The following NEGR1 variants were observed in gnomAD, a reference collection of about 807,000 sequenced individuals.
NEGR1 encodes IgLON family member 4.
A neutral mutation model predicts 40.9 loss-of-function variants in NEGR1; 10 were observed. The observed-to-expected ratio is 0.24, with a 90% CI of 0.15 to 0.42. The LOEUF (loss-of-function observed/expected upper bound fraction) is 0.42, where lower values mean the gene tolerates loss of function less well. Among genes scored for constraint, NEGR1 ranks in the 10% least tolerant of loss-of-function variants. The pLI is 1.00. For missense variants in NEGR1, 352 were observed against 438.9 expected, an observed-to-expected ratio of 0.80 and a Z score of 1.77; for synonymous variants, 185 against 166.8, an observed-to-expected ratio of 1.11 and a Z score of -0.84.
At chr1:71,828,632 T>C (rs552420290) in intron 2 of NEGR1, among the ~76,000 whole-genome samples, 17 of 152,076 alleles carry the variant, frequency 1.1e-4, no homozygotes, top group South Asian at 2.1e-4. Context: ...ATGTGGGTCA[T>C]GTCTGTGGGA....
intron 1 of NEGR1, among the ~76,000 whole-genome samples, chr1:72,281,121 C>T (rs2100572017): frequency 6.6e-6 from 1 of 152,166 alleles, no homozygotes; most frequent in East Asian, 1.9e-4. Context: ...GACAAACCAC[C>T]TCAGAGCTCA....
At chr1:71,819,180 T>C (rs978008252) in intron 2 of NEGR1, among the ~76,000 whole-genome samples, 3 of 152,014 alleles carry the variant, frequency 2.0e-5, no homozygotes, top group Non-Finnish European at 4.4e-5. Context: ...GATAGAATTC[T>C]GCCCAGCAAC....
intron 2 of NEGR1, among the ~76,000 whole-genome samples, chr1:71,836,671 T>C (rs1479918078): frequency 1.3e-5 from 2 of 151,938 alleles, no homozygotes; most frequent in Non-Finnish European, 2.9e-5. Flanking sequence ...AAACTCACTC[T>C]AAACAAAATT....
At chr1:72,204,051 T>C (rs1330021505) in intron 1 of NEGR1, among the ~76,000 whole-genome samples, 2 of 152,110 alleles carry the variant, frequency 1.3e-5, no homozygotes, top group African/African-American at 2.4e-5. Flanking sequence ...ATATTTGCTT[T>C]ATTGTGGTGA....
intron 1 of NEGR1, among the ~76,000 whole-genome samples, chr1:71,973,458 C>G (rs1646275830): frequency 6.6e-6 from 1 of 152,132 alleles, no homozygotes; most frequent in East Asian, 1.9e-4. Flanking sequence ...TTTAAGCCAC[C>G]ACGCTTTTGT....
intron 1 of NEGR1, among the ~76,000 whole-genome samples, chr1:71,959,834 T>G (rs1463281303): frequency 2.6e-5 from 4 of 152,154 alleles, no homozygotes; most frequent in African/African-American, 9.6e-5. Context: ...TGAAAACCCT[T>G]AAAGATATGA....
At chr1:71,587,108 TG>T in intron 6 of NEGR1, among the ~76,000 whole-genome samples, 1 of 152,144 alleles carries the variant, frequency 6.6e-6, no homozygotes, top group African/African-American at 2.4e-5. Context: ...CTATCTAAAA[TG>T]GGAGTCATTC....
At chr1:72,003,495 A>G (rs889998677) in intron 1 of NEGR1, among the ~76,000 whole-genome samples, 1 of 152,188 alleles carries the variant, frequency 6.6e-6, no homozygotes, top group Non-Finnish European at 1.5e-5. Context: ...AATTAAAGAC[A>G]TTAACAAAAT....
intron 1 of NEGR1, among the ~76,000 whole-genome samples, chr1:72,269,204 T>A (rs1655759706): frequency 6.6e-6 from 1 of 151,670 alleles, no homozygotes; most frequent in African/African-American, 2.4e-5. Context: ...TATAACTTAC[T>A]ACTGACATGT....
At chr1:71,789,331 G>T (rs1199916568) in intron 2 of NEGR1, among the ~76,000 whole-genome samples, 1 of 152,128 alleles carries the variant, frequency 6.6e-6, no homozygotes, top group Non-Finnish European at 1.5e-5. Flanking sequence ...TAATTTACAA[G>T]ATCATAATTA....
At chr1:71,453,157 T>C (rs1646645084) in intron 6 of NEGR1, among the ~76,000 whole-genome samples, 1 of 152,144 alleles carries the variant, frequency 6.6e-6, no homozygotes, top group South Asian at 2.1e-4. Flanking sequence ...GAAGAAGCTA[T>C]TATACTTTTA....
chr1:71,565,438 A>T (rs1648587645), intron 6 of NEGR1, among the ~76,000 whole-genome samples: 1 of 152,142 alleles, frequency 6.6e-6, no homozygotes, highest in Non-Finnish European at 1.5e-5. Context: ...GTGGTTTTTC[A>T]GTAACAAGGT....
chr1:71,454,107 C>A (rs1365658856), intron 6 of NEGR1, among the ~76,000 whole-genome samples: 1 of 152,174 alleles, frequency 6.6e-6, no homozygotes, highest in Non-Finnish European at 1.5e-5. Context: ...CTTCATTTCT[C>A]AAGAATATTC....
At chr1:72,074,658 A>G (rs531129510) in intron 1 of NEGR1, among the ~76,000 whole-genome samples, 12 of 152,262 alleles carry the variant, frequency 7.9e-5, no homozygotes, top group African/African-American at 2.9e-4. Flanking sequence ...ACCTATTCAA[A>G]AACTGTGATT....
At chr1:72,176,749 T>G in intron 1 of NEGR1, among the ~76,000 whole-genome samples, 1 of 151,982 alleles carries the variant, frequency 6.6e-6, no homozygotes, top group East Asian at 1.9e-4. Flanking sequence ...GAGCTTGCAT[T>G]TGTAAGCAGG....
At chr1:71,638,036 A>C (rs1004601683) in intron 4 of NEGR1, among the ~76,000 whole-genome samples, 1 of 152,052 alleles carries the variant, frequency 6.6e-6, no homozygotes, top group Non-Finnish European at 1.5e-5. Flanking sequence ...AGGTTAAGGA[A>C]TCTTCCCAAG....
At chr1:71,522,755 A>ACACG (rs1296216993) in intron 6 of NEGR1, among the ~76,000 whole-genome samples, 1 of 148,046 alleles carries the variant, frequency 6.8e-6, no homozygotes, top group East Asian at 2.0e-4. Flanking sequence ...ACACACACAC[A>ACACG]CGCACAATAC....
intron 1 of NEGR1, among the ~76,000 whole-genome samples, chr1:72,221,398 T>C (rs1654007227): frequency 6.6e-6 from 1 of 152,130 alleles, no homozygotes; most frequent in Admixed American, 6.6e-5. Context: ...TTATTGTATT[T>C]ATCTAAATCT....
At chr1:71,680,871 T>G (rs1455806120) in intron 4 of NEGR1, among the ~76,000 whole-genome samples, 1 of 152,240 alleles carries the variant, frequency 6.6e-6, no homozygotes, top group Non-Finnish European at 1.5e-5. Flanking sequence ...GGCTTCCTTT[T>G]GCCAGAAGTT....
Sources: allele counts gnomAD v4.1 joint callset (sites outside exome capture counted in the v4.1 genomes callset), GRCh38; gene constraint gnomAD v4.1.1; transcripts MANE v1.5; gene names NCBI Gene and HGNC (gene_info 2026-07-23, HGNC 2026-07-21).